The following AGBL1 variants were observed in gnomAD, a reference collection of about 807,000 sequenced individuals.
AGBL1 encodes cytosolic carboxypeptidase 4.
In AGBL1, 130 loss-of-function variants were observed where a neutral mutation model predicts 118.9. The ratio of observed to expected loss-of-function variants is 1.09; its 90% CI spans 0.95 to 1.26. The LOEUF is 1.26. Among genes scored for constraint, AGBL1 ranks in the 50% most tolerant of loss-of-function variants. AGBL1 has a pLI of 0.00. For missense variants in AGBL1, 1,584 were observed against 1,298.1 expected, an observed-to-expected ratio of 1.22 and a Z score of -3.38; for synonymous variants, 555 against 478.9, an observed-to-expected ratio of 1.16 and a Z score of -2.08.
chr15:86,909,646 T>C lies in AGBL1; in HGVS notation c.*2352T>C, dbSNP rs924633334. The C allele has an allele frequency of 1.3e-4, 20 of 152,232 alleles. No individual in the cohort carries two copies. The highest frequency in any genetic ancestry group is 4.6e-4 in the African/African-American group (19 of 41,462). The allele number at this position is 152,232 out of a possible 1,614,324, so 9.4% of individuals were successfully genotyped here. On this transcript the variant is annotated 3_prime_UTR_variant, in exon 23 of 23. Transcript: ENST00000614907. ...TAATGAAAGTGAAACCCAAACGCTA[T>C]ATAGCTCTTAACTCCTCCCATATTT...
At chr15:86,846,972 C>T (rs921135931) in intron 22 of AGBL1, among the ~76,000 whole-genome samples, 5 of 152,096 alleles carry the variant, frequency 3.3e-5, no homozygotes, top group African/African-American at 1.2e-4. Flanking sequence ...TTTTTATTCT[C>T]TGTTCTTCAG....
intron 22 of AGBL1, among the ~76,000 whole-genome samples, chr15:86,713,370 CCTTA>C (rs1403766703): frequency 1.3e-5 from 2 of 152,014 alleles, no homozygotes; most frequent in Admixed American, 6.6e-5. Flanking sequence ...AACAGGGCCT[CCTTA>C]CTTTCTAAAA....
At chr15:86,831,241 C>T (rs534665030) in intron 22 of AGBL1, among the ~76,000 whole-genome samples, 89 of 152,260 alleles carry the variant, frequency 5.8e-4, no homozygotes, top group African/African-American at 2.0e-3. Flanking sequence ...CAGACAGAGC[C>T]AAACCATATC....
intron 11 of AGBL1, among the ~76,000 whole-genome samples, chr15:86,265,144 C>T (rs951561148): frequency 6.6e-6 from 1 of 152,194 alleles, no homozygotes; most frequent in African/African-American, 2.4e-5. Context: ...TCCAGTTTTT[C>T]CAAATACTGG....
At chr15:86,533,918 C>T (rs2083384823) in intron 19 of AGBL1, among the ~76,000 whole-genome samples, 1 of 84,144 alleles carries the variant, frequency 1.2e-5, no homozygotes, top group Non-Finnish European at 2.2e-5. Flanking sequence ...ACAATGAGAT[C>T]ACATGGTCAC....
intron 21 of AGBL1, among the ~76,000 whole-genome samples, chr15:86,570,374 C>A (rs942403974): frequency 1.3e-5 from 2 of 152,136 alleles, no homozygotes; most frequent in African/African-American, 4.8e-5. Flanking sequence ...GAAAGGTACA[C>A]CCTCAAGAAA....
intron 6 of AGBL1, among the ~76,000 whole-genome samples, chr15:86,235,389 C>G (rs190281430): frequency 4.8e-4 from 73 of 152,248 alleles, no homozygotes; most frequent in African/African-American, 1.7e-3. Flanking sequence ...TTGTTTTACT[C>G]TAGGGAATCA....
chr15:86,563,297 C>T (rs2083856655), intron 21 of AGBL1, among the ~76,000 whole-genome samples: 1 of 152,104 alleles, frequency 6.6e-6, no homozygotes, highest in African/African-American at 2.4e-5. Flanking sequence ...ATAAATTTCC[C>T]TCTACACACT....
At chr15:86,616,344 A>T (rs1292595530) in intron 21 of AGBL1, among the ~76,000 whole-genome samples, 1,500 of 35,178 alleles carry the variant, frequency 0.043, 22 homozygotes, top group Middle Eastern at 0.057. Context: ...CACTTCAAAA[A>T]AAAAAAAAAA....
At chr15:86,398,411 T>G (rs957694464) in intron 18 of AGBL1, among the ~76,000 whole-genome samples, 23 of 152,042 alleles carry the variant, frequency 1.5e-4, no homozygotes, top group African/African-American at 5.6e-4. Flanking sequence ...GAATGGACAT[T>G]CTATCCCATG....
rs1383756041 is a variant in AGBL1 at position 86,907,577 on chromosome 15, G to T, written c.*283G>T. 6.6e-6 allele frequency: 1 copy of T among 152,136 alleles called. No homozygotes were observed. The highest frequency in any genetic ancestry group is 2.4e-5 in the African/African-American group (1 of 41,416). The allele number at this position is 152,136 out of a possible 1,614,324, so 9.4% of individuals were successfully genotyped here. On this transcript the variant is annotated 3_prime_UTR_variant, in exon 23 of 23. Coordinates refer to ENST00000614907, the MANE Select transcript of AGBL1 (RefSeq NM_001386094.1). ...AATGGGTAGCCTCAAGATTACCATGGATCCTTTCAAGATTTTTCTGAGTTA... is the reference window on the plus strand; with the variant it reads ...AATGGGTAGCCTCAAGATTACCATGTATCCTTTCAAGATTTTTCTGAGTTA...
At chr15:86,783,061 G>A (rs1013730588) in intron 22 of AGBL1, among the ~76,000 whole-genome samples, 2 of 152,150 alleles carry the variant, frequency 1.3e-5, no homozygotes, top group African/African-American at 4.8e-5. Context: ...GCATCCCAGA[G>A]GAATCCATAT....
intron 18 of AGBL1, among the ~76,000 whole-genome samples, chr15:86,422,428 T>C (rs144611925): frequency 3.9e-3 from 588 of 152,168 alleles, no homozygotes; most frequent in Admixed American, 7.3e-3. Context: ...TACCACAATC[T>C]CTGAGACACA....
chr15:86,634,542 TGGAGCTAGGGAAATGGAAAATG>T (rs2085045335), intron 21 of AGBL1, among the ~76,000 whole-genome samples: 1 of 152,166 alleles, frequency 6.6e-6, no homozygotes, highest in African/African-American at 2.4e-5. Context: ...ACTGGTTGCC[TGGAGCTAGGGAAATGGAAAATG>T]GGAAGTGTCT....
intron 21 of AGBL1, among the ~76,000 whole-genome samples, chr15:86,636,702 CATATATATATATATATATATATATAT>C (rs1157674222): frequency 5.2e-4 from 14 of 26,776 alleles, no homozygotes; most frequent in Non-Finnish European, 6.9e-4. Context: ...AACCACCAGT[CATATATATATATATATATATATATAT>C]ATATATATAT....
In AGBL1 at chr15:86,496,554, T is replaced by G. The variant is rs142266776; in HGVS notation, c.2556-26256T>G. On this transcript the variant is annotated intron_variant, in intron 18 of 22. Transcript: ENST00000614907. ...TGAGCATTCCTGTATTTGGATTAAT[T>G]TTTTCCATCTCATTTTGTGCTATTT... Among the ~76,000 whole-genome samples the G allele has an allele frequency of 2.6e-3, 402 of 152,184 alleles. 2 individuals are homozygous for G. Among genetic ancestry groups the G allele is most frequent in the African/African-American group, 9.1e-3 (377 of 41,560 alleles).
intron 24 of AGBL1, among the ~76,000 whole-genome samples, chr15:87,008,516 A>C (rs903778926): frequency 3.9e-5 from 6 of 152,198 alleles, no homozygotes; most frequent in Non-Finnish European, 8.8e-5. Flanking sequence ...AGCAGTATGA[A>C]AAGGGACTAA....
intron 18 of AGBL1, among the ~76,000 whole-genome samples, chr15:86,399,294 T>G (rs1024635810): frequency 6.6e-6 from 1 of 152,178 alleles, no homozygotes; most frequent in Non-Finnish European, 1.5e-5. Context: ...TCCTCCCTGC[T>G]TGAGCAGCCA....
At chr15:86,732,958 CACATAT>C (rs140567020) in intron 22 of AGBL1, among the ~76,000 whole-genome samples, 2,223 of 145,950 alleles carry the variant, frequency 0.015, 51 homozygotes, top group African/African-American at 0.055. Flanking sequence ...AATATATACA[CACATAT>C]ACATATACAT....
Sources: allele counts gnomAD v4.1 joint callset (sites outside exome capture counted in the v4.1 genomes callset), GRCh38; gene constraint gnomAD v4.1.1; transcripts MANE v1.5; gene names NCBI Gene and HGNC (gene_info 2026-07-23, HGNC 2026-07-21).